The following MDGA2 variants were observed in gnomAD, a reference collection of about 807,000 sequenced individuals.
The protein encoded by MDGA2 is MAM domain-containing glycosylphosphatidylinositol anchor protein 2.
In MDGA2, 40 loss-of-function variants were observed where a neutral mutation model predicts 117.8. The observed-to-expected ratio is 0.34, with a 90% CI of 0.26 to 0.44. The LOEUF (loss-of-function observed/expected upper bound fraction) is 0.44. MDGA2 is among the 20% of genes least tolerant of loss of function. The pLI, the probability that MDGA2 is intolerant of heterozygous loss-of-function variation, is 1.00. For missense variants in MDGA2, 1,123 were observed against 1,250.6 expected, an observed-to-expected ratio of 0.90 and a Z score of 1.54; for synonymous variants, 452 against 439.0, an observed-to-expected ratio of 1.03 and a Z score of -0.37.
At chr14:47,458,731 A>G (rs1423691507) in intron 1 of MDGA2, among the ~76,000 whole-genome samples, 5 of 152,070 alleles carry the variant, frequency 3.3e-5, no homozygotes, top group Admixed American at 3.3e-4. Context: ...TAATTATTTC[A>G]CAACATTAAC....
chr14:47,394,969 T>C (rs976767268), intron 1 of MDGA2, among the ~76,000 whole-genome samples: 8 of 152,038 alleles, frequency 5.3e-5, no homozygotes, highest in Non-Finnish European at 8.8e-5. Flanking sequence ...TTGGTCAACA[T>C]AGTGAGACCC....
intron 1 of MDGA2, among the ~76,000 whole-genome samples, chr14:47,597,621 A>G (rs1021472249): frequency 2.6e-5 from 4 of 152,150 alleles, no homozygotes; most frequent in Non-Finnish European, 4.4e-5. Flanking sequence ...ATGAATATAA[A>G]TATGACAAGT....
chr14:47,283,535 TG>T (rs1167068831), intron 2 of MDGA2, among the ~76,000 whole-genome samples: 1 of 152,232 alleles, frequency 6.6e-6, no homozygotes, highest in African/African-American at 2.4e-5. Flanking sequence ...AATACCATTT[TG>T]TTACATTTGA....
intron 1 of MDGA2, among the ~76,000 whole-genome samples, chr14:47,388,614 G>T (rs772368612): frequency 6.6e-6 from 1 of 152,110 alleles, no homozygotes; most frequent in African/African-American, 2.4e-5. Flanking sequence ...TCAGGATATT[G>T]AAATCAGGAC....
At chr14:46,972,258 T>C (rs182225179) in intron 8 of MDGA2, among the ~76,000 whole-genome samples, 18 of 152,228 alleles carry the variant, frequency 1.2e-4, no homozygotes, top group African/African-American at 2.9e-4. Context: ...AATTGGAGAA[T>C]TGATGTGGAA....
intron 2 of MDGA2, among the ~76,000 whole-genome samples, chr14:47,218,768 T>G (rs763492771): frequency 1.3e-5 from 2 of 152,144 alleles, no homozygotes; most frequent in Non-Finnish European, 2.9e-5. Flanking sequence ...CCACAAATGA[T>G]TTGTCTATTT....
intron 1 of MDGA2, among the ~76,000 whole-genome samples, chr14:47,629,833 C>T (rs1363483998): frequency 3.3e-5 from 5 of 152,140 alleles, no homozygotes; most frequent in African/African-American, 7.2e-5. Context: ...CCTTGAGGCA[C>T]TTGGGCTTCT....
intron 2 of MDGA2, among the ~76,000 whole-genome samples, chr14:47,291,689 C>T (rs577934969): frequency 1.3e-5 from 2 of 152,270 alleles, no homozygotes; most frequent in South Asian, 4.1e-4. Flanking sequence ...TGCCACTGCA[C>T]CTCATCACAA....
chr14:47,456,396 G>A (rs1893354708), intron 1 of MDGA2, among the ~76,000 whole-genome samples: 1 of 150,696 alleles, frequency 6.6e-6, no homozygotes, highest in Non-Finnish European at 1.5e-5. Flanking sequence ...GGGTTCAAGT[G>A]ATTCTCCTGC....
intron 10 of MDGA2, among the ~76,000 whole-genome samples, chr14:46,899,044 A>G (rs1203223347): frequency 6.6e-6 from 1 of 152,038 alleles, no homozygotes; most frequent in African/African-American, 2.4e-5. Flanking sequence ...GGAAAATCGC[A>G]GCCGCTAATG....
intron 8 of MDGA2, among the ~76,000 whole-genome samples, chr14:46,973,470 C>G (rs1271827906): frequency 6.6e-6 from 1 of 152,046 alleles, no homozygotes; most frequent in East Asian, 1.9e-4. Context: ...AAACACTGAC[C>G]TGGACTCCAT....
intron 14 of MDGA2, among the ~76,000 whole-genome samples, chr14:46,861,325 A>G (rs865803937): frequency 1.3e-5 from 2 of 151,892 alleles, no homozygotes; most frequent in Non-Finnish European, 2.9e-5. Context: ...TTATATCAGT[A>G]ATTATAGGGT....
chr14:47,034,729 TAC>T (rs59191576), intron 8 of MDGA2, among the ~76,000 whole-genome samples: 11,003 of 146,978 alleles, frequency 0.075, 452 homozygotes, highest in African/African-American at 0.13. Context: ...ATAATTATCA[TAC>T]ACACACACAC....
chr14:47,525,265 T>C (rs1267975130), intron 1 of MDGA2, among the ~76,000 whole-genome samples: 3 of 152,204 alleles, frequency 2.0e-5, no homozygotes, highest in Non-Finnish European at 4.4e-5. Context: ...CTCTCACTTT[T>C]TTATGGTTTT....
chr14:46,944,991 C>T (rs1336918063), intron 9 of MDGA2, among the ~76,000 whole-genome samples: 1 of 151,994 alleles, frequency 6.6e-6, no homozygotes, highest in Non-Finnish European at 1.5e-5. Context: ...CCAAAAGTAA[C>T]ATTTTCCTAT....
In MDGA2 at chr14:46,957,578, T is replaced by A. The variant is rs1351658815; in HGVS notation, c.1885A>T (p.Ser629Cys). 1.9e-6 allele frequency: 3 copies of A among 1,614,152 alleles called. No individual in the cohort carries two copies. The highest frequency in any genetic ancestry group is 2.5e-6 in the Non-Finnish European group (3 of 1,180,008). The stretch of plus-strand genomic sequence containing the variant: ...GGATAGGCTCTCAGTACTCTGCAAC[T>A]CATAGTGACACTTCGATCCTGTCCT... ...RQGQDRSVTM[S>C]CRVLRAYPIR... The change falls in exon 9 of 17, where the codon AGT becomes TGT. Residue 629 changes from serine (S) to cysteine (C), a missense_variant. Around this residue, in one of 2 missense-constraint regions of MDGA2, gnomAD observed 890 missense variants for 1,050.3 expected, o/e 0.85. Coordinates refer to ENST00000399232, the MANE Select transcript of MDGA2 (RefSeq NM_001113498.3).
intron 1 of MDGA2, among the ~76,000 whole-genome samples, chr14:47,436,336 A>G (rs1262274112): frequency 5.3e-5 from 8 of 152,158 alleles, no homozygotes; most frequent in Non-Finnish European, 1.2e-4. Flanking sequence ...TATGTTATAC[A>G]GAATCATCTT....
chr14:47,526,027 TA>T (rs1313820117), intron 1 of MDGA2, among the ~76,000 whole-genome samples: 1 of 152,182 alleles, frequency 6.6e-6, no homozygotes, highest in East Asian at 1.9e-4. Context: ...TTCAGTTCAC[TA>T]ACCCTCTCCT....
chr14:47,634,357 A>T (rs1897289032), intron 1 of MDGA2, among the ~76,000 whole-genome samples: 1 of 152,110 alleles, frequency 6.6e-6, no homozygotes, highest in Admixed American at 6.5e-5. Flanking sequence ...TTATGTAAAA[A>T]ATTATATAAT....
Sources: gnomAD v4.1 joint callset for allele counts (sites outside exome capture counted in the v4.1 genomes callset) on GRCh38, gnomAD v4.1.1 for gene constraint, gnomAD v4.1.1 regional missense constraint, MANE v1.5 for transcripts, NCBI Gene and HGNC (gene_info 2026-07-23, HGNC 2026-07-21) for gene names.